Variants in VPS41 observed in about 807,000 individuals in gnomAD.
VPS41 encodes the protein vacuolar protein sorting-associated protein 41 homolog.
VPS41 carries 85 observed loss-of-function variants against 130.9 expected under a neutral mutation model. The observed-to-expected ratio is 0.65, with a 90% CI of 0.55 to 0.78. VPS41 has a LOEUF of 0.78. VPS41 is among the 30% of genes least tolerant of loss of function. VPS41 has a pLI of 0.00. For synonymous variants in VPS41, 335 were observed against 332.9 expected (o/e 1.01, Z -0.07); for missense variants, 874 against 1,018.7 (o/e 0.86, Z 1.93).
intron 23 of VPS41, among the ~76,000 whole-genome samples, chr7:38,744,896 C>G (rs1795957113): frequency 6.6e-6 from 1 of 152,202 alleles, no homozygotes. Flanking sequence ...AGCGGAAAAA[C>G]CCTACTGAGG....
intron 2 of VPS41, among the ~76,000 whole-genome samples, chr7:38,885,070 T>C (rs2392605): frequency 0.61 from 93,204 of 151,952 alleles, 29,782 homozygotes; most frequent in East Asian, 0.89. Flanking sequence ...CAGGATTTTA[T>C]TTTTTATTTA....
chr7:38,848,584 C>T (rs1489280716), intron 4 of VPS41, among the ~76,000 whole-genome samples: 1 of 152,190 alleles, frequency 6.6e-6, no homozygotes, highest in Non-Finnish European at 1.5e-5. Flanking sequence ...TTTACTAAGC[C>T]TTATGTTACA....
chr7:38,797,626 T>A (rs1784646358), intron 7 of VPS41, among the ~76,000 whole-genome samples: 1 of 151,878 alleles, frequency 6.6e-6, no homozygotes, highest in East Asian at 1.9e-4. Context: ...AGGCATGCAA[T>A]CCTGAAACAC....
chr7:38,863,131 T>C (rs1005139201), intron 3 of VPS41, among the ~76,000 whole-genome samples: 11 of 152,230 alleles, frequency 7.2e-5, no homozygotes, highest in Admixed American at 2.0e-4. Context: ...TACCATCAGT[T>C]AGCTTTAGGA....
At chr7:38,803,739 T>A (rs1208228271) in intron 7 of VPS41, among the ~76,000 whole-genome samples, 2 of 152,134 alleles carry the variant, frequency 1.3e-5, no homozygotes, top group Non-Finnish European at 2.9e-5. Context: ...AGACCTAGGA[T>A]GGTGGCTGGC....
intron 24 of VPS41, among the ~76,000 whole-genome samples, chr7:38,742,910 T>C (rs1186018418): frequency 2.6e-5 from 4 of 152,020 alleles, no homozygotes; most frequent in Admixed American, 2.6e-4. Context: ...GACCAACAAA[T>C]ACAAACTCTG....
chr7:38,745,763 G>A, intron 22 of VPS41, 150 bp from the exon 23 acceptor site: 1 of 662,404 alleles, frequency 1.5e-6, no homozygotes, highest in Non-Finnish European at 2.6e-6. Context: ...CATCTCCCTA[G>A]AATAGCTGCA....
intron 25 of VPS41, among the ~76,000 whole-genome samples, chr7:38,740,705 A>G (rs1795863542): frequency 6.6e-6 from 1 of 151,716 alleles, no homozygotes; most frequent in Non-Finnish European, 1.5e-5. Flanking sequence ...GATCTCTCAC[A>G]CCCCCACCCC....
chr7:38,832,912 T>C lies in VPS41; in HGVS notation c.247-2584A>G, dbSNP rs374860438. ...CAGACCAGTATCTAAGATGGTTTCTTTTATATCTGTACTTGGATGCCTAAT... is the reference window on the plus strand; with the variant it reads ...CAGACCAGTATCTAAGATGGTTTCTCTTATATCTGTACTTGGATGCCTAAT... On this transcript the variant is annotated intron_variant, in intron 4 of 28. Coordinates refer to ENST00000310301, the MANE Select transcript of VPS41 (RefSeq NM_014396.4). Among the ~76,000 whole-genome samples the C allele has an allele frequency of 2.6e-4, 39 of 152,310 alleles. 1 individual carries two copies. Among genetic ancestry groups the C allele is most frequent in the African/African-American group, 7.9e-4 (33 of 41,576 alleles).
intron 1 of VPS41, among the ~76,000 whole-genome samples, chr7:38,905,751 T>C (rs1245191037): frequency 1.3e-5 from 2 of 152,142 alleles, no homozygotes; most frequent in Non-Finnish European, 2.9e-5. Flanking sequence ...TCTAAAAAGT[T>C]CAATAGAACA....
intron 17 of VPS41, among the ~76,000 whole-genome samples, chr7:38,759,887 T>C (rs1463335987): frequency 1.3e-5 from 2 of 152,158 alleles, no homozygotes; most frequent in Non-Finnish European, 2.9e-5. Flanking sequence ...GGCAGTCTGC[T>C]TGGGACAGGG....
At chr7:38,827,489 A>G (rs1359968878) in intron 5 of VPS41, among the ~76,000 whole-genome samples, 1 of 152,212 alleles carries the variant, frequency 6.6e-6, no homozygotes, top group East Asian at 1.9e-4. Context: ...GGAGACAGGA[A>G]GAGGCCAGAC....
rs1795842376 is a variant in VPS41 at position 38,739,545 on chromosome 7, G to C, written c.2259+2440C>G. On this transcript the variant is annotated intron_variant, in intron 25 of 28. Coordinates refer to ENST00000310301, the MANE Select transcript of VPS41 (RefSeq NM_014396.4). ...CGGTCATTAATACATTATGTAAAAA[G>C]AGCAGAAAAATATTTTAAACTCTTT... Among the ~76,000 whole-genome samples, 3 of 152,200 alleles carry C rather than the reference G, an allele frequency of 2.0e-5. No individual in the cohort carries two copies. In the South Asian group the frequency reaches 6.2e-4, roughly 32 times the overall value.
intron 1 of VPS41, among the ~76,000 whole-genome samples, chr7:38,901,341 T>C (rs905182764): frequency 1.3e-5 from 2 of 152,148 alleles, no homozygotes; most frequent in Non-Finnish European, 2.9e-5. Flanking sequence ...GGTTAATTTA[T>C]AAAGAAAAGA....
At chr7:38,752,638 C>G (rs563338642) in intron 21 of VPS41, among the ~76,000 whole-genome samples, 1 of 152,122 alleles carries the variant, frequency 6.6e-6, no homozygotes, top group Non-Finnish European at 1.5e-5. Context: ...GTTGCCATTA[C>G]GAAATCACTC....
intron 1 of VPS41, among the ~76,000 whole-genome samples, chr7:38,902,743 T>C (rs1584455600): frequency 6.6e-6 from 1 of 152,314 alleles, no homozygotes; most frequent in East Asian, 1.9e-4. Flanking sequence ...CTCATCCTGA[T>C]GGAATGCTCT....
intron 4 of VPS41, among the ~76,000 whole-genome samples, chr7:38,842,588 A>G (rs1394650015): frequency 1.3e-5 from 2 of 152,156 alleles, no homozygotes; most frequent in Non-Finnish European, 2.9e-5. Flanking sequence ...GGCTCCACCT[A>G]TCTCTTCAGG....
At chr7:38,848,845 C>T (rs1785784800) in intron 4 of VPS41, among the ~76,000 whole-genome samples, 1 of 152,118 alleles carries the variant, frequency 6.6e-6, no homozygotes, top group Non-Finnish European at 1.5e-5. Flanking sequence ...ATTATATCAC[C>T]ACTGCTCTTT....
intron 2 of VPS41, among the ~76,000 whole-genome samples, chr7:38,877,911 C>G (rs1046385297): frequency 6.6e-6 from 1 of 152,178 alleles, no homozygotes; most frequent in South Asian, 2.1e-4. Context: ...CTTGCCCCAG[C>G]CTCACAGAGC....
Sources: gnomAD v4.1 joint callset for allele counts (sites outside exome capture counted in the v4.1 genomes callset) on GRCh38, gnomAD v4.1.1 for gene constraint, MANE v1.5 for transcripts, NCBI Gene and HGNC (gene_info 2026-07-23, HGNC 2026-07-21) for gene names.